The following SNX29 variants were observed in gnomAD, a reference collection of about 807,000 sequenced individuals.
The protein encoded by SNX29 is sorting nexin-29.
A neutral mutation model predicts 102.1 loss-of-function variants in SNX29; 78 were observed. The ratio of observed to expected loss-of-function variants is 0.76; its 90% CI spans 0.64 to 0.92. The LOEUF (loss-of-function observed/expected upper bound fraction) is 0.92. Among genes scored for constraint, SNX29 ranks in the 40% least tolerant of loss-of-function variants. SNX29 has a pLI of 0.00. For missense variants in SNX29, 1,280 were observed against 1,061.7 expected, an observed-to-expected ratio of 1.21 and a Z score of -2.86; for synonymous variants, 580 against 414.5, an observed-to-expected ratio of 1.40 and a Z score of -4.85.
Position 12,419,571 on chromosome 16 carries a change from C to A in SNX29, c.2037+16042C>A, listed in dbSNP as rs964085632. Among the ~76,000 whole-genome samples, 10 of 151,884 alleles carry A rather than the reference C, an allele frequency of 6.6e-5. No homozygotes were observed. In the East Asian group the frequency reaches 7.7e-4, roughly 12 times the overall value. On this transcript the variant is annotated intron_variant, in intron 18 of 20. Coordinates refer to ENST00000566228, the MANE Select transcript of SNX29 (RefSeq NM_032167.5). ...AGTGTCATCAGACTCAGCCCCCCCC[C>A]CCATCTTTCTGTCGATTTGCGTTGC...
intron 1 of SNX29, chr16:11,983,680 G>C (rs1303331584): frequency 2.0e-6 from 2 of 985,246 alleles, no homozygotes; most frequent in Middle Eastern, 5.2e-4. Context: ...ACTGATGTTG[G>C]CTATCTTGCC....
chr16:12,142,407 G>A (rs963576292), intron 13 of SNX29, among the ~76,000 whole-genome samples: 2 of 149,338 alleles, frequency 1.3e-5, no homozygotes, highest in African/African-American at 4.9e-5. Flanking sequence ...GCCAAGGAGC[G>A]TTGAGTGCAT....
At chr16:12,473,776 G>C (rs2087466769) in intron 18 of SNX29, among the ~76,000 whole-genome samples, 1 of 152,166 alleles carries the variant, frequency 6.6e-6, no homozygotes, top group African/African-American at 2.4e-5. Context: ...TGTCCTCTCT[G>C]CTACACTTCC....
intron 18 of SNX29, among the ~76,000 whole-genome samples, chr16:12,467,616 G>A (rs565847302): frequency 1.5e-5 from 2 of 129,910 alleles, no homozygotes; most frequent in Non-Finnish European, 3.1e-5. Flanking sequence ...TCGTTTGTTC[G>A]TTCGTTAGTT....
intron 14 of SNX29, among the ~76,000 whole-genome samples, chr16:12,230,230 G>A (rs2142190254): frequency 6.6e-6 from 1 of 152,344 alleles, no homozygotes; most frequent in South Asian, 2.1e-4. Flanking sequence ...TCTGAAGCTG[G>A]TCCTTGGACT....
chr16:12,403,721 G>A (rs890260046), intron 18 of SNX29, among the ~76,000 whole-genome samples, 192 bp downstream of exon 18: 3 of 152,170 alleles, frequency 2.0e-5, no homozygotes, highest in African/African-American at 7.2e-5. Context: ...AGGGGGATAC[G>A]GTGGGCCTCT....
At chr16:12,204,874 C>T (rs935662917) in intron 14 of SNX29, among the ~76,000 whole-genome samples, 4 of 152,160 alleles carry the variant, frequency 2.6e-5, no homozygotes, top group East Asian at 3.9e-4. Flanking sequence ...TCCACTCCTG[C>T]GTGTGCTTTG....
intron 13 of SNX29, among the ~76,000 whole-genome samples, chr16:12,152,491 ACCC>A (rs1296775286): frequency 6.6e-6 from 1 of 151,942 alleles, no homozygotes; most frequent in Non-Finnish European, 1.5e-5. Context: ...GTCTTTGGAA[ACCC>A]TGCCCTATCT....
intron 15 of SNX29, among the ~76,000 whole-genome samples, chr16:12,349,294 C>T (rs892824126): frequency 2.6e-5 from 4 of 152,216 alleles, no homozygotes; most frequent in Non-Finnish European, 4.4e-5. Context: ...CTGGACCCAC[C>T]GTGCCAAGGT....
At chr16:12,224,030 C>T (rs747053560) in intron 14 of SNX29, among the ~76,000 whole-genome samples, 1 of 152,212 alleles carries the variant, frequency 6.6e-6, no homozygotes, top group African/African-American at 2.4e-5. Flanking sequence ...TCCAGAGCCA[C>T]GGCTTCTACC....
intron 20 of SNX29, among the ~76,000 whole-genome samples, chr16:12,534,518 G>A (rs1032569865): frequency 2.0e-5 from 3 of 152,218 alleles, no homozygotes; most frequent in African/African-American, 7.2e-5. Flanking sequence ...CAAGAAAAGT[G>A]GGTCTTTGGA....
intron 8 of SNX29, among the ~76,000 whole-genome samples, chr16:12,057,227 T>C (rs1214765382): frequency 6.6e-6 from 1 of 152,228 alleles, no homozygotes; most frequent in East Asian, 1.9e-4. Flanking sequence ...CTATTCTGCA[T>C]CTCACTAGCA....
At chr16:12,132,603 A>G (rs1313742798) in intron 13 of SNX29, among the ~76,000 whole-genome samples, 1 of 152,226 alleles carries the variant, frequency 6.6e-6, no homozygotes, top group African/African-American at 2.4e-5. Flanking sequence ...GGCAGTGGAC[A>G]TGAGTGAGGC....
intron 7 of SNX29, among the ~76,000 whole-genome samples, chr16:12,051,348 A>AT (rs386384258): frequency 6.6e-6 from 1 of 150,590 alleles, no homozygotes; most frequent in Non-Finnish European, 1.5e-5. Flanking sequence ...AAAAAAAAAA[A>AT]GCAGAGCACT....
intron 19 of SNX29, among the ~76,000 whole-genome samples, chr16:12,482,281 T>TCCTTTTTCCTTTTCCTTTTCCTTTTC (rs2087982106): frequency 6.6e-6 from 1 of 152,146 alleles, no homozygotes; most frequent in Admixed American, 6.5e-5. Context: ...TTTTTCTTTT[T>TCCTTTTTCCTTTTCCTTTTCCTTTTC]CCTTTTTCCT....
intron 13 of SNX29, among the ~76,000 whole-genome samples, chr16:12,183,856 T>C (rs1005035878): frequency 3.3e-5 from 5 of 152,194 alleles, no homozygotes; most frequent in Non-Finnish European, 5.9e-5. Flanking sequence ...GAGAGTGACC[T>C]CTAGTCATCA....
chr16:12,163,556 A>G (rs2055884558), intron 13 of SNX29, among the ~76,000 whole-genome samples: 1 of 152,138 alleles, frequency 6.6e-6, no homozygotes, highest in African/African-American at 2.4e-5. Flanking sequence ...ACATGGTTAG[A>G]GAGGCGTTTC....
Position 12,278,033 on chromosome 16 carries a change from C to T in SNX29, c.1779C>T (p.Ile593=), listed in dbSNP as rs371061201. 178 of 1,596,002 alleles carry T rather than the reference C, an allele frequency of 1.1e-4. No individual in the cohort carries two copies. The highest frequency in any genetic ancestry group is 6.6e-4 in the Middle Eastern group (4 of 6,066). ...CAAGCTCCTACGAAAGAAAGCTCAT[C>T]GAGGTAAGGCCGGTGGAGTCTGTGT... ...ELASSYERKL[I]EVAEMHGELI... Residue 593 remains isoleucine, a synonymous_variant, in exon 15 of 21, where the codon ATC becomes ATT. Coordinates refer to ENST00000566228, the MANE Select transcript of SNX29 (RefSeq NM_032167.5).
In SNX29 at chr16:12,526,599, T is replaced by G. The variant is rs533709319; in HGVS notation, c.2318+1758T>G. 64 of 532,186 alleles carry G rather than the reference T, an allele frequency of 1.2e-4. 1 individual carries two copies. The highest frequency in any genetic ancestry group is 9.8e-4 in the South Asian group (64 of 65,188). 33.0% of individuals were successfully genotyped at this position (532,186 alleles called of 1,614,324 possible). ...TGGCCGCGATAGTTCACGTGAGGAG[T>G]TCTCATCCTCTTAGCGGCATCCCCA... On this transcript the variant is annotated intron_variant, in intron 20 of 20. Transcript: ENST00000566228.
Sources: gnomAD v4.1 joint callset for allele counts (sites outside exome capture counted in the v4.1 genomes callset) on GRCh38, gnomAD v4.1.1 for gene constraint, MANE v1.5 for transcripts, NCBI Gene and HGNC (gene_info 2026-07-23, HGNC 2026-07-21) for gene names.